Variants in FBXL17 observed in about 807,000 individuals in gnomAD.
FBXL17 encodes F-box and leucine rich repeat protein 17.
FBXL17 carries 22 observed loss-of-function variants against 66.2 expected under a neutral mutation model. The ratio of observed to expected loss-of-function variants is 0.33; its 90% confidence interval spans 0.24 to 0.47. The LOEUF (loss-of-function observed/expected upper bound fraction) is 0.47. FBXL17 is among the 20% of genes least tolerant of loss of function. The pLI is 1.00. For synonymous variants in FBXL17, 474 were observed against 400.5 expected (o/e 1.18, Z -2.19); for missense variants, 878 against 948.2 (o/e 0.93, Z 0.97).
chr5:108,127,584 T>C (rs1218782340), intron 6 of FBXL17, among the ~76,000 whole-genome samples: 3 of 151,838 alleles, frequency 2.0e-5, no homozygotes, highest in Non-Finnish European at 4.4e-5. Context: ...GAAAAGAGAG[T>C]GCTTAGGACA....
At chr5:108,380,556 C>T (rs1353712053) in intron 1 of FBXL17, 143 bp downstream of exon 1, 2 of 445,394 alleles carry the variant, frequency 4.5e-6, no homozygotes, top group African/African-American at 4.1e-5. Flanking sequence ...GCCCCACTGG[C>T]TTCCCAGTCT....
intron 6 of FBXL17, among the ~76,000 whole-genome samples, chr5:108,149,868 G>A (rs991572132): frequency 6.6e-6 from 1 of 152,100 alleles, no homozygotes; most frequent in Admixed American, 6.5e-5. Flanking sequence ...GCATAAGAGA[G>A]CAAAAGCTGA....
intron 6 of FBXL17, among the ~76,000 whole-genome samples, chr5:108,080,933 C>T (rs1015348518): frequency 3.9e-5 from 6 of 152,138 alleles, no homozygotes; most frequent in African/African-American, 9.7e-5. Flanking sequence ...CTTAGTTAAT[C>T]TCTCCTGGAT....
In FBXL17 at chr5:108,321,286, G is replaced by GT. The variant is rs1759607668; in HGVS notation, c.1506+27112dup. 2.0e-5 allele frequency among the ~76,000 whole-genome samples: 3 copies of GT among 151,788 alleles called. No homozygotes were observed. The South Asian group carries it at 6.2e-4, about 31-fold the overall frequency. ...GAATTGGAAGAAACTGAGTATCAAA[G>GT]TGTCTATGGGTAGAGGTAAATTCAC... On this transcript the variant is annotated intron_variant, in intron 4 of 8. Transcript: ENST00000542267.
rs991592181 is a variant in FBXL17 at position 107,996,117 on chromosome 5, A to G, written c.1822+24808T>C. 4.6e-5 allele frequency among the ~76,000 whole-genome samples: 7 copies of G among 152,212 alleles called. No homozygotes were observed. The East Asian group carries it at 9.6e-4, about 21-fold the overall frequency. On this transcript the variant is annotated intron_variant, in intron 7 of 8. Coordinates refer to ENST00000542267, the MANE Select transcript of FBXL17 (RefSeq NM_001163315.3). ...GCTCAAAAAACATGACAAATGTCAAATTTCCTAATACACGCCATGCCTGAT... is the reference window on the plus strand; with the variant it reads ...GCTCAAAAAACATGACAAATGTCAAGTTTCCTAATACACGCCATGCCTGAT...
chr5:108,069,332 G>T (rs920857265), intron 6 of FBXL17, among the ~76,000 whole-genome samples: 4 of 152,274 alleles, frequency 2.6e-5, no homozygotes, highest in African/African-American at 9.6e-5. Context: ...GGCTTATGGC[G>T]AGGCTACTCT....
intron 3 of FBXL17, among the ~76,000 whole-genome samples, chr5:108,348,970 A>T (rs1001919879): frequency 5.3e-5 from 8 of 151,938 alleles, no homozygotes; most frequent in Admixed American, 2.6e-4. Context: ...ACACCTGGCT[A>T]CTTTTTAAAT....
At chr5:108,083,491 C>T (rs1262281657) in intron 6 of FBXL17, among the ~76,000 whole-genome samples, 6 of 152,150 alleles carry the variant, frequency 3.9e-5, no homozygotes, top group Admixed American at 3.3e-4. Flanking sequence ...ACCTCCGCCA[C>T]CCAGGCTCAA....
chr5:108,208,751 T>G (rs1754236964), intron 5 of FBXL17, among the ~76,000 whole-genome samples: 1 of 152,208 alleles, frequency 6.6e-6, no homozygotes, highest in African/African-American at 2.4e-5. Context: ...GCATGATGCC[T>G]CCAGCTTTGT....
At chr5:108,219,209 T>C (rs1451930620) in intron 5 of FBXL17, among the ~76,000 whole-genome samples, 1 of 152,236 alleles carries the variant, frequency 6.6e-6, no homozygotes, top group Non-Finnish European at 1.5e-5. Flanking sequence ...CTTAAATATT[T>C]GGCAAAATTC....
At chr5:108,360,097 T>A (rs1216426308) in intron 3 of FBXL17, among the ~76,000 whole-genome samples, 4 of 152,142 alleles carry the variant, frequency 2.6e-5, no homozygotes, top group Admixed American at 6.5e-5. Flanking sequence ...TTTTTTTGGA[T>A]AATAAAACAG....
chr5:108,258,145 T>A (rs1047517146), intron 4 of FBXL17, among the ~76,000 whole-genome samples: 1 of 152,152 alleles, frequency 6.6e-6, no homozygotes, highest in Non-Finnish European at 1.5e-5. Flanking sequence ...TGGAATGTAA[T>A]TAAGATTAAG....
At chr5:108,331,824 T>G (rs556855109) in intron 4 of FBXL17, among the ~76,000 whole-genome samples, 134 of 151,692 alleles carry the variant, frequency 8.8e-4, no homozygotes, top group African/African-American at 1.5e-3. Context: ...AAATCAAAAC[T>G]GAAAAAAAAG....
intron 8 of FBXL17, among the ~76,000 whole-genome samples, chr5:107,869,048 A>G (rs1312958709): frequency 1.3e-5 from 2 of 152,200 alleles, no homozygotes; most frequent in Non-Finnish European, 2.9e-5. Flanking sequence ...CAGGTGGGAA[A>G]AGTAAAGTGC....
rs200112040 is a variant in FBXL17, at chr5:108,380,265, G to A, written c.993+434C>T. 2.0e-5 allele frequency among the ~76,000 whole-genome samples: 3 copies of A among 152,162 alleles called. No individual in the cohort carries two copies. The East Asian group carries it at 5.8e-4, about 29-fold the overall frequency. ...GGCGCAGTGCCTGATTATGGTAAAT[G>A]CTCAGTAAGTTAACCGTTTGACATT... On this transcript the variant is annotated intron_variant, in intron 1 of 8. Coordinates refer to ENST00000542267, the MANE Select transcript of FBXL17 (RefSeq NM_001163315.3).
chr5:108,139,969 A>G (rs1453137958), intron 6 of FBXL17, among the ~76,000 whole-genome samples: 1 of 152,134 alleles, frequency 6.6e-6, no homozygotes, highest in Non-Finnish European at 1.5e-5. Context: ...AACACGTTTA[A>G]GTTTCTCCCA....
At chr5:108,294,043 CAA>C (rs71624893) in intron 4 of FBXL17, among the ~76,000 whole-genome samples, 1,345 of 50,942 alleles carry the variant, frequency 0.026, 4 homozygotes, top group African/African-American at 0.096. Flanking sequence ...TCTTGTCTCA[CAA>C]AAAAAAAAAA....
chr5:107,871,069 A>AAACAAAAAAAAC (rs1554080840), intron 8 of FBXL17, among the ~76,000 whole-genome samples: 2 of 130,174 alleles, frequency 1.5e-5, no homozygotes, highest in African/African-American at 6.4e-5. Context: ...AAAAAAAAAA[A>AAACAAAAAAAAC]AAAAAAAAAA....
rs1238263646 is a variant in FBXL17 at position 108,269,222 on chromosome 5, T to G, written c.1507-44994A>C. Among the ~76,000 whole-genome samples the G allele has an allele frequency of 4.6e-5, 7 of 152,168 alleles. No homozygotes were observed. The East Asian group carries it at 1.4e-3, about 29-fold the overall frequency. The stretch of plus-strand genomic sequence containing the variant: ...AGTAGGAGGAAGGTAAGAGTGATCT[T>G]CTTGAACCTACTGTTTTTCAAGTGA... On this transcript the variant is annotated intron_variant, in intron 4 of 8. Coordinates refer to ENST00000542267, the MANE Select transcript of FBXL17 (RefSeq NM_001163315.3).
Sources: allele counts gnomAD v4.1 joint callset (sites outside exome capture counted in the v4.1 genomes callset), GRCh38; gene constraint gnomAD v4.1.1; transcripts MANE v1.5; gene names NCBI Gene and HGNC (gene_info 2026-07-23, HGNC 2026-07-21).